The following USP34 variants were observed in gnomAD, a reference collection of about 807,000 sequenced individuals.
USP34 encodes ubiquitin carboxyl-terminal hydrolase 34.
In USP34, 70 loss-of-function variants were observed where a neutral mutation model predicts 460.3. The observed-to-expected ratio is 0.15, with a 90% CI of 0.13 to 0.19. The LOEUF (loss-of-function observed/expected upper bound fraction) is 0.19, where lower values mean the gene tolerates loss of function less well. Among genes scored for constraint, USP34 ranks in the 10% least tolerant of loss-of-function variants. USP34 has a pLI of 1.00. For synonymous variants in USP34, 1,647 were observed against 1,405.3 expected, an observed-to-expected ratio of 1.17 and a Z score of -3.85; for missense variants, 3,985 against 4,236.2, an observed-to-expected ratio of 0.94 and a Z score of 1.65.
At chr2:61,426,481 G>A (rs1694514156) in intron 1 of USP34, among the ~76,000 whole-genome samples, 2 of 152,154 alleles carry the variant, frequency 1.3e-5, no homozygotes, top group Admixed American at 1.3e-4. Flanking sequence ...GCCTGGGGGT[G>A]GCGGTGGCTA....
chr2:61,424,838 A>C (rs1469765387), intron 1 of USP34, among the ~76,000 whole-genome samples: 3 of 152,128 alleles, frequency 2.0e-5, no homozygotes, highest in African/African-American at 7.2e-5. Flanking sequence ...GAAGCCACTG[A>C]ATTTTTTTTG....
At chr2:61,380,918 G>A (rs1357254095) in intron 6 of USP34, among the ~76,000 whole-genome samples, 3 of 152,088 alleles carry the variant, frequency 2.0e-5, no homozygotes, top group South Asian at 2.1e-4. Context: ...AAGACCAATC[G>A]GCATGGCAAT....
chr2:61,450,255 T>C (rs1249927449), intron 1 of USP34, among the ~76,000 whole-genome samples: 4 of 152,100 alleles, frequency 2.6e-5, no homozygotes, highest in Non-Finnish European at 5.9e-5. Context: ...AGAATGCATA[T>C]TGGTTGTTGC....
intron 5 of USP34, among the ~76,000 whole-genome samples, chr2:61,390,645 T>C (rs1211446080): frequency 6.6e-6 from 1 of 152,256 alleles, no homozygotes; most frequent in African/African-American, 2.4e-5. Flanking sequence ...GCTAAAGTTT[T>C]TGAGATTGAA....
intron 67 of USP34, 108 bp from the exon 68 acceptor site, chr2:61,214,802 A>G (rs1687354007): frequency 8.0e-7 from 1 of 1,256,128 alleles, no homozygotes; most frequent in South Asian, 1.6e-5. Context: ...AAAATGAATA[A>G]AAAGGGACAT....
chr2:61,367,986 A>G (rs1427071678), intron 10 of USP34, among the ~76,000 whole-genome samples: 1 of 152,202 alleles, frequency 6.6e-6, no homozygotes, highest in Non-Finnish European at 1.5e-5. Context: ...AGAGGCAAGT[A>G]AAAATAAAGA....
At chr2:61,229,741 G>T in intron 58 of USP34, 108 bp from the exon 59 acceptor site, 1 of 886,586 alleles carries the variant, frequency 1.1e-6, no homozygotes, top group Non-Finnish European at 1.7e-6. Context: ...GTTTGCACAA[G>T]ATTATCTTGG....
At chr2:61,339,769 A>G in intron 16 of USP34, 88 bp from the exon 17 acceptor site, 1 of 582,814 alleles carries the variant, frequency 1.7e-6, no homozygotes, top group Non-Finnish European at 2.7e-6. Flanking sequence ...TCCAAAGAAA[A>G]GTACACGATA....
intron 53 of USP34, among the ~76,000 whole-genome samples, chr2:61,239,543 T>C (rs1256439349): frequency 2.0e-5 from 3 of 152,288 alleles, no homozygotes; most frequent in East Asian, 3.9e-4. Flanking sequence ...TTCAAATTAA[T>C]TGTGGTTATG....
At chr2:61,319,407 G>GTT (rs1209746153) in intron 21 of USP34, 80 bp from the exon 22 acceptor site, 2 of 1,022,842 alleles carry the variant, frequency 2.0e-6, no homozygotes, top group Non-Finnish European at 2.7e-6. Context: ...TGTATGTACA[G>GTT]TAAGTCCTCA....
intron 43 of USP34, among the ~76,000 whole-genome samples, chr2:61,260,772 T>C (rs192420339): frequency 6.6e-6 from 1 of 152,242 alleles, no homozygotes; most frequent in Admixed American, 6.5e-5. Flanking sequence ...TTCCAACGTA[T>C]CAAAGTATTG....
At chr2:61,383,243 G>C (rs368756962) in intron 6 of USP34, 26 bp downstream of exon 6, 1 of 1,523,178 alleles carries the variant, frequency 6.6e-7, no homozygotes, top group Non-Finnish European at 9.0e-7. Context: ...CTGATAATCG[G>C]GGGTAAAGAA....
intron 33 of USP34, among the ~76,000 whole-genome samples, chr2:61,290,715 C>A (rs949648851): frequency 6.6e-6 from 1 of 152,084 alleles, no homozygotes; most frequent in East Asian, 1.9e-4. Flanking sequence ...TAGAGCGTTA[C>A]ATAAACATTT....
chr2:61,347,144 A>G (rs905139431), intron 15 of USP34, among the ~76,000 whole-genome samples: 2 of 152,118 alleles, frequency 1.3e-5, no homozygotes, highest in Non-Finnish European at 2.9e-5. Flanking sequence ...TGTCTCAAAG[A>G]AAAAAAGAAG....
At chr2:61,307,817 G>T (rs6729158) in intron 27 of USP34, among the ~76,000 whole-genome samples, 21,720 of 152,048 alleles carry the variant, frequency 0.14, 1,826 homozygotes, top group African/African-American at 0.21. Context: ...GACGGCCAAG[G>T]GGGGAGGATA....
intron 27 of USP34, among the ~76,000 whole-genome samples, chr2:61,302,487 TC>T (rs1346731714): frequency 6.6e-6 from 1 of 152,234 alleles, no homozygotes; most frequent in African/African-American, 2.4e-5. Flanking sequence ...TATGATTCTT[TC>T]CCTTTCTCAT....
rs1223124787 is a variant in USP34, at chr2:61,348,233, T to C, written c.1922A>G (p.Asp641Gly). Residue 641 changes from aspartate (D) to glycine (G), a missense_variant, in exon 15 of 80, where the codon GAT becomes GGT. Asp to Gly is a moderately conservative substitution (Grantham distance 94, BLOSUM62 -1). Transcript: ENST00000398571. ...HNPPKSSCGT[D>G]LRNRKLESQA... ...ACTCTCTAACTTTCTATTCCGAAGATCTGTACCACAACTGCTTTTGGGAGG... is the reference window on the plus strand; with the variant it reads ...ACTCTCTAACTTTCTATTCCGAAGACCTGTACCACAACTGCTTTTGGGAGG... The C allele has an allele frequency of 6.2e-7, 1 of 1,614,218 alleles. No individual in the cohort carries two copies. The highest frequency in any genetic ancestry group is 8.5e-7 in the Non-Finnish European group (1 of 1,180,040).
At chr2:61,277,400 C>T (rs768570291) in intron 41 of USP34, among the ~76,000 whole-genome samples, 1 of 152,038 alleles carries the variant, frequency 6.6e-6, no homozygotes, top group Non-Finnish European at 1.5e-5. Flanking sequence ...CCACACCCAG[C>T]AAATTTTTGT....
rs1690225027 is a variant in USP34 at position 61,301,529 on chromosome 2, T to C, written c.3818-75A>G. ...ACTTGCTGATAAGAATATGTAGTTG[T>C]AGCAATTAAACACACTGTATGTTAA... On this transcript the variant is annotated intron_variant, in intron 27 of 79. Coordinates refer to ENST00000398571, the MANE Select transcript of USP34 (RefSeq NM_014709.4). The C allele has an allele frequency of 9.2e-6, 12 of 1,309,828 alleles. No homozygotes were observed. The South Asian group carries it at 1.1e-4, about 12-fold the overall frequency. The allele number at this position is 1,309,828 out of a possible 1,614,324, so 81.1% of individuals were successfully genotyped here. A position where few individuals can be genotyped will look rare whatever the true frequency, so the allele number is the denominator to read the frequency against.
Sources: gnomAD v4.1 joint callset for allele counts (sites outside exome capture counted in the v4.1 genomes callset) on GRCh38, gnomAD v4.1.1 for gene constraint, MANE v1.5 for transcripts, NCBI Gene and HGNC (gene_info 2026-07-23, HGNC 2026-07-21) for gene names.